Variants in DTNB observed in about 807,000 individuals in gnomAD.
DTNB encodes DTN-B.
DTNB carries 63 observed loss-of-function variants against 90.7 expected under a neutral mutation model. The ratio of observed to expected loss-of-function variants is 0.69; its 90% CI spans 0.57 to 0.86. DTNB has a LOEUF of 0.86. DTNB is among the 40% of genes least tolerant of loss of function. The probability of loss-of-function intolerance (pLI) is 0.00; values close to 1 mark genes in which losing one functional copy is unlikely to be tolerated. For missense variants in DTNB, 744 were observed against 807.1 expected (o/e 0.92, Z 0.95); for synonymous variants, 277 against 286.7 (o/e 0.97, Z 0.34).
chr2:25,588,186 T>TAAAAA (rs556875844), intron 6 of DTNB, among the ~76,000 whole-genome samples: 1 of 144,380 alleles, frequency 6.9e-6, no homozygotes. Flanking sequence ...AAAGCCTCCT[T>TAAAAA]AAAAAAAAAA....
chr2:25,522,213 G>A (rs111590866), intron 9 of DTNB, among the ~76,000 whole-genome samples: 6 of 152,144 alleles, frequency 3.9e-5, no homozygotes, highest in Non-Finnish European at 5.9e-5. Context: ...TTGAATACAC[G>A]TCTTGCAATT....
At chr2:25,453,602 G>A (rs1426979533) in intron 11 of DTNB, among the ~76,000 whole-genome samples, 1 of 152,158 alleles carries the variant, frequency 6.6e-6, no homozygotes, top group African/African-American at 2.4e-5. Context: ...ACAGTCTCTT[G>A]TCAAACATTC....
intron 1 of DTNB, among the ~76,000 whole-genome samples, chr2:25,666,587 A>C (rs1261170919): frequency 6.6e-6 from 1 of 152,226 alleles, no homozygotes; most frequent in Non-Finnish European, 1.5e-5. Flanking sequence ...GAAAGTGGCC[A>C]GTAAGTACAT....
At chr2:25,591,763 A>T (rs974207322) in intron 6 of DTNB, among the ~76,000 whole-genome samples, 15 of 152,112 alleles carry the variant, frequency 9.9e-5, no homozygotes, top group African/African-American at 3.6e-4. Context: ...AGAGAATAGT[A>T]TAATATGCCC....
At chr2:25,590,820 C>G (rs994040610) in intron 6 of DTNB, among the ~76,000 whole-genome samples, 1 of 152,230 alleles carries the variant, frequency 6.6e-6, no homozygotes, top group Admixed American at 6.5e-5. Context: ...GCTTCAGGCC[C>G]TCCCTGTCTT....
intron 4 of DTNB, among the ~76,000 whole-genome samples, chr2:25,620,888 T>C (rs548820851): frequency 2.0e-5 from 3 of 152,130 alleles, no homozygotes. Flanking sequence ...TAGCCAGGCA[T>C]GATGGCACGC....
chr2:25,576,994 G>A lies in DTNB; in HGVS notation c.720C>T (p.Pro240=), dbSNP rs758579969. The A allele has an allele frequency of 3.7e-6, 6 of 1,606,694 alleles. No homozygotes were observed. Among genetic ancestry groups the A allele is most frequent in the African/African-American group, 1.3e-5 (1 of 74,754 alleles). ...CACATCGGCAGTAGGAGCACTCCAC[G>A]GGATGGAAGACTTGTGGACAGGAGA... ...RLAHVENVFH[P]VECSYCRCES... The change falls in exon 8 of 21, where the codon CCC becomes CCT. Residue 240 remains proline (P), a synonymous_variant. Coordinates refer to ENST00000406818, the MANE Select transcript of DTNB (RefSeq NM_021907.5).
intron 8 of DTNB, among the ~76,000 whole-genome samples, chr2:25,561,592 C>T (rs1243383550): frequency 2.0e-5 from 3 of 152,042 alleles, no homozygotes; most frequent in East Asian, 1.9e-4. Flanking sequence ...ATTATGGGGG[C>T]GGATCCCTCA....
intron 9 of DTNB, among the ~76,000 whole-genome samples, chr2:25,520,034 T>C (rs2075858058): frequency 6.6e-6 from 1 of 152,044 alleles, no homozygotes; most frequent in Admixed American, 6.5e-5. Context: ...CACCCGATAA[T>C]TGGAGAATAC....
At chr2:25,652,000 T>C (rs2081032115) in intron 2 of DTNB, among the ~76,000 whole-genome samples, 1 of 152,220 alleles carries the variant, frequency 6.6e-6, no homozygotes. Context: ...CAAGGTCACA[T>C]GGTCATGGTC....
rs374256201 is a variant in DTNB at position 25,462,949 on chromosome 2, C to T, written c.1080-7455G>A. Among the ~76,000 whole-genome samples, 35 of 152,232 alleles carry T rather than the reference C, an allele frequency of 2.3e-4. No individual in the cohort carries two copies. The East Asian group carries it at 5.2e-3, about 23-fold the overall frequency. On this transcript the variant is annotated intron_variant, in intron 10 of 20. Transcript: ENST00000406818. ...CGATCTGCTGACCTCGTGATCCACC[C>T]GCCTCGGCCTCCCAAAGTGCTGGGA... is the stretch of plus-strand genomic sequence containing the variant.
At chr2:25,453,803 TC>T (rs2059616148) in intron 11 of DTNB, among the ~76,000 whole-genome samples, 1 of 152,108 alleles carries the variant, frequency 6.6e-6, no homozygotes, top group African/African-American at 2.4e-5. Flanking sequence ...ATCAGGCCCT[TC>T]CTTCCCTCCT....
At chr2:25,614,734 A>G (rs1160967689) in intron 4 of DTNB, among the ~76,000 whole-genome samples, 1 of 152,216 alleles carries the variant, frequency 6.6e-6, no homozygotes, top group African/African-American at 2.4e-5. Context: ...TTGCGATTCA[A>G]TGCAATCCTC....
At chr2:25,592,446 T>A (rs1003810816) in intron 6 of DTNB, among the ~76,000 whole-genome samples, 1 of 152,198 alleles carries the variant, frequency 6.6e-6, no homozygotes, top group Non-Finnish European at 1.5e-5. Context: ...GAAGTCAGTA[T>A]TTAATTTTAG....
At chr2:25,439,085 C>A (rs948398352) in intron 12 of DTNB, among the ~76,000 whole-genome samples, 1 of 152,124 alleles carries the variant, frequency 6.6e-6, no homozygotes, top group Non-Finnish European at 1.5e-5. Context: ...CTGGATGGAA[C>A]AGAAGAAGGA....
intron 9 of DTNB, among the ~76,000 whole-genome samples, chr2:25,531,030 A>G (rs542803874): frequency 1.5e-3 from 234 of 152,358 alleles, no homozygotes; most frequent in South Asian, 3.7e-3. Flanking sequence ...TGTAGAATAT[A>G]GTCTTATGTT....
At chr2:25,531,378 T>C in intron 9 of DTNB, 95 bp downstream of exon 9, 1 of 1,494,920 alleles carries the variant, frequency 6.7e-7, no homozygotes, top group South Asian at 1.5e-5. Context: ...AGAAGTTGAA[T>C]GGTCATGTTA....
At chr2:25,426,112 T>TTA (rs1366269933) in intron 15 of DTNB, among the ~76,000 whole-genome samples, 2 of 152,222 alleles carry the variant, frequency 1.3e-5, no homozygotes, top group Non-Finnish European at 2.9e-5. Context: ...ACTCTTAATA[T>TTA]AGTGAAGTTA....
intron 10 of DTNB, among the ~76,000 whole-genome samples, chr2:25,475,168 C>A (rs2063526081): frequency 6.6e-6 from 1 of 152,220 alleles, no homozygotes; most frequent in African/African-American, 2.4e-5. Flanking sequence ...AAAGCCAACA[C>A]AGGCTGACAG....
Sources: gnomAD v4.1 joint callset for allele counts (sites outside exome capture counted in the v4.1 genomes callset) on GRCh38, gnomAD v4.1.1 for gene constraint, MANE v1.5 for transcripts, NCBI Gene and HGNC (gene_info 2026-07-23, HGNC 2026-07-21) for gene names.